Variants in VSNL1 observed in about 807,000 individuals in gnomAD.
VSNL1 encodes the protein visinin-like protein 1.
A neutral mutation model predicts 20.4 loss-of-function variants in VSNL1; 6 were observed. The observed-to-expected ratio is 0.29, with a 90% CI of 0.16 to 0.58. The LOEUF (loss-of-function observed/expected upper bound fraction) is 0.58, where lower values mean the gene tolerates loss of function less well. Ranked by LOEUF, VSNL1 falls within the 20% of genes least tolerant of loss-of-function variation. The probability of loss-of-function intolerance (pLI) is 0.90; values close to 1 mark genes in which losing one functional copy is unlikely to be tolerated. For missense variants in VSNL1, 100 were observed against 234.5 expected (o/e 0.43, Z 3.75); for synonymous variants, 93 against 86.4 (o/e 1.08, Z -0.42).
chr2:17,571,201 A>C (rs764526150), intron 1 of VSNL1, among the ~76,000 whole-genome samples: 5 of 152,228 alleles, frequency 3.3e-5, no homozygotes, highest in Non-Finnish European at 7.3e-5. Flanking sequence ...GGTTTGGGTC[A>C]GGCAACCTCC....
chr2:17,562,552 T>A (rs1258092572), intron 1 of VSNL1, among the ~76,000 whole-genome samples: 3 of 152,214 alleles, frequency 2.0e-5, no homozygotes, highest in South Asian at 4.1e-4. Flanking sequence ...TATATAAGCA[T>A]GTGTTCTTTC....
At chr2:17,617,700 G>A (rs1475984846) in intron 2 of VSNL1, among the ~76,000 whole-genome samples, 1 of 152,126 alleles carries the variant, frequency 6.6e-6, no homozygotes, top group African/African-American at 2.4e-5. Context: ...ATCACACAGT[G>A]AGGAGCAACA....
chr2:17,585,334 G>C (rs1664445051), intron 1 of VSNL1, among the ~76,000 whole-genome samples: 1 of 150,846 alleles, frequency 6.6e-6, no homozygotes, highest in African/African-American at 2.4e-5. Flanking sequence ...GGAGGACAAA[G>C]AAGAGGGGAA....
rs540418383 is a variant in VSNL1 at position 17,655,844 on chromosome 2, A to C, written c.*450A>C. On this transcript the variant is annotated 3_prime_UTR_variant, in exon 4 of 4. Transcript: ENST00000295156. The surrounding 1 kb of genome is among the most constrained non-coding windows in gnomAD (Gnocchi z 5.2). ...GTAAAATACTATTGGACAGACACAG[A>C]GGGACCCTTGGCTCCTGTGTCTGGT... 5 of 158,392 alleles carry C rather than the reference A, an allele frequency of 3.2e-5. No homozygotes were observed. The highest frequency in any genetic ancestry group is 5.6e-5 in the Non-Finnish European group (4 of 71,590). 9.8% of individuals were successfully genotyped at this position (158,392 alleles called of 1,614,324 possible).
intron 1 of VSNL1, among the ~76,000 whole-genome samples, chr2:17,576,105 C>T (rs1365680528): frequency 6.6e-6 from 1 of 152,194 alleles, no homozygotes; most frequent in African/African-American, 2.4e-5. Context: ...ATATAGTCCA[C>T]ACTTTTTATT....
chr2:17,584,096 G>C (rs1462659696), intron 1 of VSNL1, among the ~76,000 whole-genome samples: 1 of 152,174 alleles, frequency 6.6e-6, no homozygotes, highest in Non-Finnish European at 1.5e-5. Flanking sequence ...AGTGGGCTAA[G>C]TAACTTATCA....
intron 2 of VSNL1, among the ~76,000 whole-genome samples, chr2:17,640,243 ACT>A (rs1308588763): frequency 1.7e-4 from 24 of 138,928 alleles, no homozygotes; most frequent in Non-Finnish European, 2.6e-4. Context: ...ACAGAGCGAG[ACT>A]CTGTTTCAAA....
At chr2:17,552,234 C>G (rs891984671) in intron 1 of VSNL1, among the ~76,000 whole-genome samples, 1 of 150,674 alleles carries the variant, frequency 6.6e-6, no homozygotes. Context: ...TTAGCACGTA[C>G]AGTGCTCTGT....
intron 2 of VSNL1, among the ~76,000 whole-genome samples, chr2:17,614,715 A>T (rs80170651): frequency 3.2e-3 from 490 of 152,326 alleles, no homozygotes; most frequent in African/African-American, 0.011. Flanking sequence ...AGGCAATTCA[A>T]ATATTTGCAT....
intron 2 of VSNL1, among the ~76,000 whole-genome samples, chr2:17,616,857 G>T (rs1179184597): frequency 6.6e-6 from 1 of 152,212 alleles, no homozygotes; most frequent in African/African-American, 2.4e-5. Context: ...CTGATGAACA[G>T]GCCTCAGGGG....
intron 1 of VSNL1, among the ~76,000 whole-genome samples, chr2:17,579,791 G>T (rs929759782): frequency 6.6e-6 from 1 of 152,144 alleles, no homozygotes; most frequent in Non-Finnish European, 1.5e-5. Flanking sequence ...ACCTCCTGTG[G>T]TGCTTTCAGT....
chr2:17,591,228 T>G (rs752029137), intron 1 of VSNL1, among the ~76,000 whole-genome samples: 2 of 152,162 alleles, frequency 1.3e-5, no homozygotes, highest in Non-Finnish European at 2.9e-5. Flanking sequence ...AAGTAACACA[T>G]GTAGTAATTG....
rs995853851 is a variant in VSNL1, at chr2:17,649,640, G to A, written c.378+15G>A. ...AGATCATCGAGGTGAGGCCCGGGGT[G>A]TGGTTGGCGGGTGGTGGGCACAGAA... On this transcript the variant is annotated intron_variant, in intron 3 of 3. Transcript: ENST00000295156. This position sits in a 1 kb window ranked among gnomAD's most constrained non-coding sequence, Gnocchi z 6.4. 1.9e-6 allele frequency: 3 copies of A among 1,613,568 alleles called. No individual in the cohort carries two copies. In the African/African-American group the frequency reaches 4.0e-5, roughly 22 times the overall value.
At chr2:17,595,327 C>A (rs894334463) in intron 2 of VSNL1, among the ~76,000 whole-genome samples, 3 of 152,166 alleles carry the variant, frequency 2.0e-5, no homozygotes, top group African/African-American at 7.2e-5. Flanking sequence ...ATGGGACAGT[C>A]CTGCCTGCCC....
At chr2:17,584,026 A>G (rs1664410563) in intron 1 of VSNL1, among the ~76,000 whole-genome samples, 1 of 152,210 alleles carries the variant, frequency 6.6e-6, no homozygotes, top group Admixed American at 6.5e-5. Flanking sequence ...ATTTATCCTC[A>G]CAACAACCCT....
At chr2:17,641,051 C>T (rs1665871999) in intron 2 of VSNL1, among the ~76,000 whole-genome samples, 1 of 152,236 alleles carries the variant, frequency 6.6e-6, no homozygotes, top group Non-Finnish European at 1.5e-5. Context: ...GATTCCAGAC[C>T]TGGTGGCCAA....
chr2:17,651,412 TGATTA>T (rs1666119494), intron 3 of VSNL1, among the ~76,000 whole-genome samples: 1 of 152,184 alleles, frequency 6.6e-6, no homozygotes, highest in Non-Finnish European at 1.5e-5. Flanking sequence ...GACACTTCTA[TGATTA>T]GATACCTAGG....
intron 2 of VSNL1, 94 bp downstream of exon 2, chr2:17,592,330 G>T (rs1664609595): frequency 7.4e-6 from 10 of 1,350,998 alleles, no homozygotes; most frequent in Middle Eastern, 4.6e-4. Context: ...ACTCTAAGTA[G>T]CTAGTTTGTT....
chr2:17,625,868 T>G (rs1665498197), intron 2 of VSNL1, among the ~76,000 whole-genome samples: 1 of 141,082 alleles, frequency 7.1e-6, no homozygotes, highest in Non-Finnish European at 1.5e-5. Context: ...TTTTTTGAGA[T>G]CTCAGCGCAC....
Sources: gnomAD v4.1 joint callset for allele counts (sites outside exome capture counted in the v4.1 genomes callset) on GRCh38, gnomAD v4.1.1 for gene constraint, Gnocchi (gnomAD v3.1) non-coding constraint, MANE v1.5 for transcripts, NCBI Gene and HGNC (gene_info 2026-07-23, HGNC 2026-07-21) for gene names.